SLC35F1: variants seen among roughly 807,000 people sequenced by gnomAD.
SLC35F1 encodes solute carrier family 35 member F1.
A neutral mutation model predicts 48.7 loss-of-function variants in SLC35F1; 14 were observed. The observed-to-expected ratio is 0.29, with a 90% CI of 0.19 to 0.45. The LOEUF (loss-of-function observed/expected upper bound fraction) is 0.45, where lower values mean the gene tolerates loss of function less well. Among genes scored for constraint, SLC35F1 ranks in the 20% least tolerant of loss-of-function variants. The pLI, the probability that SLC35F1 is intolerant of heterozygous loss-of-function variation, is 1.00. For synonymous variants in SLC35F1, 190 were observed against 202.2 expected (o/e 0.94, Z 0.51); for missense variants, 404 against 500.0 (o/e 0.81, Z 1.83).
At chr6:118,187,118 C>G (rs988698983) in intron 2 of SLC35F1, among the ~76,000 whole-genome samples, 4 of 152,200 alleles carry the variant, frequency 2.6e-5, no homozygotes, top group African/African-American at 9.6e-5. Context: ...ACCCCATGCT[C>G]TCTGTCACTG....
In SLC35F1 at chr6:118,226,389, A is replaced by T. The variant is rs1364892583; in HGVS notation, c.350-9120A>T. On this transcript the variant is annotated intron_variant, in intron 2 of 7. Transcript: ENST00000360388. ...TGCCTAAAAGATAGGAAATCAATAT[A>T]TCAAAGAGTTATCTGCGTTTCTGTG... Among the ~76,000 whole-genome samples, 4 of 152,220 alleles carry T rather than the reference A, an allele frequency of 2.6e-5. No homozygotes were observed. In the East Asian group the frequency reaches 7.7e-4, roughly 29 times the overall value.
intron 2 of SLC35F1, among the ~76,000 whole-genome samples, chr6:118,163,689 G>T (rs1465276890): frequency 6.6e-6 from 1 of 152,202 alleles, no homozygotes; most frequent in Non-Finnish European, 1.5e-5. Context: ...TCATGTGGGA[G>T]ATTGAAGGGT....
intron 1 of SLC35F1, among the ~76,000 whole-genome samples, chr6:118,001,433 T>C (rs1777092576): frequency 2.0e-5 from 3 of 152,162 alleles, no homozygotes; most frequent in Admixed American, 6.5e-5. Flanking sequence ...TCCTTACACC[T>C]TATACAAAAA....
At chr6:117,925,770 G>A (rs1776019438) in intron 1 of SLC35F1, among the ~76,000 whole-genome samples, 1 of 152,062 alleles carries the variant, frequency 6.6e-6, no homozygotes, top group Non-Finnish European at 1.5e-5. Context: ...GTTCTGCTGA[G>A]GGTAGAAAGA....
At chr6:118,226,533 G>T (rs1010476651) in intron 2 of SLC35F1, among the ~76,000 whole-genome samples, 2 of 151,578 alleles carry the variant, frequency 1.3e-5, no homozygotes, top group African/African-American at 4.9e-5. Context: ...CCACTAAAAG[G>T]AATGAAATCC....
intron 1 of SLC35F1, among the ~76,000 whole-genome samples, chr6:118,027,707 C>T (rs1461443571): frequency 6.6e-6 from 1 of 152,050 alleles, no homozygotes; most frequent in Non-Finnish European, 1.5e-5. Context: ...TAGATACAAG[C>T]ACCTTGTCAG....
chr6:117,969,716 TAA>T (rs35540047), intron 1 of SLC35F1, among the ~76,000 whole-genome samples: 2 of 151,188 alleles, frequency 1.3e-5, no homozygotes, highest in Non-Finnish European at 1.5e-5. Flanking sequence ...CCCTGTTTCT[TAA>T]AAAAAAAATC....
intron 2 of SLC35F1, among the ~76,000 whole-genome samples, chr6:118,223,029 A>G (rs1775170971): frequency 6.6e-6 from 1 of 152,220 alleles, no homozygotes; most frequent in African/African-American, 2.4e-5. Flanking sequence ...CTAGGTTGGT[A>G]TAATGGAAAC....
chr6:118,026,737 T>G (rs1771954029), intron 1 of SLC35F1, among the ~76,000 whole-genome samples: 1 of 152,222 alleles, frequency 6.6e-6, no homozygotes, highest in African/African-American at 2.4e-5. Flanking sequence ...TTAATGAGTT[T>G]GGGATGAAAA....
At chr6:118,166,318 T>C (rs1485162591) in intron 2 of SLC35F1, among the ~76,000 whole-genome samples, 1 of 152,086 alleles carries the variant, frequency 6.6e-6, no homozygotes, top group Non-Finnish European at 1.5e-5. Context: ...TGCTCAGCCA[T>C]TGCTGAGCTG....
chr6:118,308,248 G>T (rs1776334648), intron 7 of SLC35F1, among the ~76,000 whole-genome samples: 1 of 152,154 alleles, frequency 6.6e-6, no homozygotes, highest in South Asian at 2.1e-4. Flanking sequence ...TGATCTAGAA[G>T]TTATGGTTAG....
intron 2 of SLC35F1, among the ~76,000 whole-genome samples, chr6:118,229,331 T>A (rs959493044): frequency 6.6e-6 from 1 of 152,210 alleles, no homozygotes; most frequent in Admixed American, 6.5e-5. Flanking sequence ...AAATCCCTGA[T>A]ACTGAACTGA....
intron 2 of SLC35F1, among the ~76,000 whole-genome samples, chr6:118,222,440 T>C (rs1775163649): frequency 6.6e-6 from 1 of 152,086 alleles, no homozygotes; most frequent in Non-Finnish European, 1.5e-5. Context: ...ACATAATGCT[T>C]GGTTGTCTCT....
chr6:118,189,475 T>G (rs1287222578), intron 2 of SLC35F1, among the ~76,000 whole-genome samples: 2 of 152,248 alleles, frequency 1.3e-5, no homozygotes, highest in Non-Finnish European at 2.9e-5. Flanking sequence ...ATCATTTTAC[T>G]ATTAAACTGT....
chr6:118,107,098 G>A (rs4360162), intron 1 of SLC35F1, among the ~76,000 whole-genome samples: 79,565 of 152,052 alleles, frequency 0.52, 22,994 homozygotes, highest in Non-Finnish European at 0.67. Flanking sequence ...TAGGGATCTA[G>A]CCTGTCTTGT....
At chr6:118,226,795 TTAAC>T (rs1775224852) in intron 2 of SLC35F1, among the ~76,000 whole-genome samples, 2 of 152,282 alleles carry the variant, frequency 1.3e-5, no homozygotes, top group Admixed American at 1.3e-4. Flanking sequence ...CTCATTATAA[TTAAC>T]TATAATTAAC....
intron 2 of SLC35F1, among the ~76,000 whole-genome samples, chr6:118,195,087 C>T (rs1279795540): frequency 1.3e-5 from 2 of 152,120 alleles, no homozygotes; most frequent in East Asian, 1.9e-4. Context: ...CTCAAACTTG[C>T]CCCCGGTTGG....
chr6:118,290,507 G>C (rs1776107229), intron 7 of SLC35F1, among the ~76,000 whole-genome samples: 1 of 146,618 alleles, frequency 6.8e-6, no homozygotes, highest in South Asian at 2.1e-4. Context: ...ATCATATTTA[G>C]TATCTGCAAA....
At chr6:118,093,224 T>C (rs1481217574) in intron 1 of SLC35F1, among the ~76,000 whole-genome samples, 3 of 151,898 alleles carry the variant, frequency 2.0e-5, no homozygotes, top group Non-Finnish European at 2.9e-5. Flanking sequence ...GCTGAGGTAG[T>C]AGAATGGCAT....
Sources: gnomAD v4.1 joint callset for allele counts (sites outside exome capture counted in the v4.1 genomes callset) on GRCh38, gnomAD v4.1.1 for gene constraint, MANE v1.5 for transcripts, NCBI Gene and HGNC (gene_info 2026-07-23, HGNC 2026-07-21) for gene names.